Variants in SUCLG2 observed in about 807,000 individuals in gnomAD.
SUCLG2 encodes succinate-CoA ligase GDP-forming subunit beta, also known as succinate--CoA ligase [GDP-forming] subunit beta, mitochondrial.
SUCLG2 carries 42 observed loss-of-function variants against 47.9 expected under a neutral mutation model. That is an observed-to-expected ratio of 0.88 (90% confidence interval 0.69 to 1.14). The LOEUF (loss-of-function observed/expected upper bound fraction) is 1.14, where lower values mean the gene tolerates loss of function less well. Among genes scored for constraint, SUCLG2 ranks in the 50% most tolerant of loss-of-function variants. The pLI is 0.00. For missense variants in SUCLG2, 571 were observed against 525.9 expected, an observed-to-expected ratio of 1.09 and a Z score of -0.84; for synonymous variants, 195 against 197.3, an observed-to-expected ratio of 0.99 and a Z score of 0.10.
chr3:67,385,627 G>A (rs926881453), intron 10 of SUCLG2, among the ~76,000 whole-genome samples: 1 of 152,212 alleles, frequency 6.6e-6, no homozygotes, highest in Non-Finnish European at 1.5e-5. Flanking sequence ...GGGATGGAAG[G>A]TACACTGAAG....
At chr3:67,391,800 C>A (rs1702389545) in intron 10 of SUCLG2, among the ~76,000 whole-genome samples, 1 of 152,144 alleles carries the variant, frequency 6.6e-6, no homozygotes, top group South Asian at 2.1e-4. Context: ...GTCCCCTGGC[C>A]TCTTTGCACT....
chr3:67,525,289 A>C (rs940602030), intron 4 of SUCLG2, among the ~76,000 whole-genome samples: 12 of 152,362 alleles, frequency 7.9e-5, no homozygotes, highest in Admixed American at 2.0e-4. Flanking sequence ...TAGATTGTAC[A>C]TAAAAAGGTA....
chr3:67,440,505 G>T (rs1703733726), intron 9 of SUCLG2, among the ~76,000 whole-genome samples: 1 of 152,030 alleles, frequency 6.6e-6, no homozygotes, highest in African/African-American at 2.4e-5. Context: ...CTAATATCCA[G>T]AATCTACAAA....
intron 7 of SUCLG2, among the ~76,000 whole-genome samples, chr3:67,501,253 A>C (rs1355278980): frequency 1.3e-5 from 2 of 152,192 alleles, no homozygotes; most frequent in African/African-American, 2.4e-5. Context: ...AGGGGATTCA[A>C]ATTGAACTGC....
At chr3:67,392,028 T>C (rs1441913547) in intron 10 of SUCLG2, among the ~76,000 whole-genome samples, 1 of 152,184 alleles carries the variant, frequency 6.6e-6, no homozygotes, top group African/African-American at 2.4e-5. Flanking sequence ...TGTCAGTGCA[T>C]GCCCCTGTCC....
At chr3:67,640,002 CTGTT>C (rs1256779741) in intron 1 of SUCLG2, among the ~76,000 whole-genome samples, 13 of 152,150 alleles carry the variant, frequency 8.5e-5, no homozygotes, top group East Asian at 3.8e-4. Context: ...ACTACCTATA[CTGTT>C]TGTTTAAGTA....
intron 9 of SUCLG2, among the ~76,000 whole-genome samples, chr3:67,441,424 G>A (rs1703761246): frequency 6.6e-6 from 1 of 151,790 alleles, no homozygotes; most frequent in South Asian, 2.1e-4. Context: ...CTTGTCATGT[G>A]TAGCCCTATG....
intron 9 of SUCLG2, among the ~76,000 whole-genome samples, chr3:67,460,747 A>G (rs1704310829): frequency 6.6e-6 from 1 of 152,208 alleles, no homozygotes; most frequent in Non-Finnish European, 1.5e-5. Context: ...TCCTCGCTCT[A>G]TACTTTAATA....
intron 6 of SUCLG2, among the ~76,000 whole-genome samples, chr3:67,513,467 A>T (rs1389180756): frequency 6.6e-6 from 1 of 152,224 alleles, no homozygotes; most frequent in Non-Finnish European, 1.5e-5. Context: ...CTCCAAACCA[A>T]GCTGGTTCTC....
intron 2 of SUCLG2, among the ~76,000 whole-genome samples, chr3:67,565,853 C>T (rs575114286): frequency 1.3e-5 from 2 of 152,348 alleles, no homozygotes; most frequent in African/African-American, 4.8e-5. Context: ...TACACGGCAG[C>T]TGTCACTTAA....
intron 2 of SUCLG2, among the ~76,000 whole-genome samples, chr3:67,573,180 C>G: frequency 6.6e-6 from 1 of 152,108 alleles, no homozygotes; most frequent in East Asian, 1.9e-4. Flanking sequence ...AAATGGAGAG[C>G]TATTCCATGT....
chr3:67,446,308 C>T, intron 9 of SUCLG2, among the ~76,000 whole-genome samples: 1 of 12,274 alleles, frequency 8.1e-5, no homozygotes, highest in East Asian at 3.4e-3. Context: ...TGGATTGTTT[C>T]TACTTTTTGG....
chr3:67,631,809 A>G (rs998040726), intron 1 of SUCLG2, among the ~76,000 whole-genome samples: 1 of 152,052 alleles, frequency 6.6e-6, no homozygotes, highest in Non-Finnish European at 1.5e-5. Context: ...TCATGCATTC[A>G]CCAATGCATT....
chr3:67,629,607 C>T (rs62256422), intron 1 of SUCLG2, among the ~76,000 whole-genome samples: 4,454 of 152,126 alleles, frequency 0.029, 96 homozygotes, highest in South Asian at 0.056. Context: ...AGAAATTGGC[C>T]ATTCGTGACT....
chr3:67,584,818 G>A (rs536258313), intron 2 of SUCLG2, among the ~76,000 whole-genome samples: 11 of 152,112 alleles, frequency 7.2e-5, no homozygotes, highest in Non-Finnish European at 1.5e-4. Flanking sequence ...GGGCAAAGCA[G>A]GAAGAGCCCC....
chr3:67,422,400 G>A (rs55751946), intron 9 of SUCLG2, among the ~76,000 whole-genome samples: 23,793 of 144,516 alleles, frequency 0.16, 2,354 homozygotes, highest in East Asian at 0.41. Flanking sequence ...GCTTGAACCC[G>A]GGAAGTGGAG....
At chr3:67,407,666 C>G (rs1702844737) in intron 9 of SUCLG2, among the ~76,000 whole-genome samples, 1 of 152,178 alleles carries the variant, frequency 6.6e-6, no homozygotes, top group African/African-American at 2.4e-5. Context: ...TAGGTTTTGT[C>G]TGTGCCTATT....
At chr3:67,388,538 T>C (rs567077775) in intron 10 of SUCLG2, among the ~76,000 whole-genome samples, 1 of 152,304 alleles carries the variant, frequency 6.6e-6, no homozygotes, top group African/African-American at 2.4e-5. Context: ...CCATGCCTAA[T>C]AAAGGGAAGA....
chr3:67,499,145 A>G (rs1477354500), intron 7 of SUCLG2, among the ~76,000 whole-genome samples: 1 of 152,078 alleles, frequency 6.6e-6, no homozygotes, highest in Admixed American at 6.6e-5. Flanking sequence ...AATTAAACAC[A>G]GTGAAATGAT....
Sources: allele counts gnomAD v4.1 joint callset (sites outside exome capture counted in the v4.1 genomes callset), GRCh38; gene constraint gnomAD v4.1.1; transcripts MANE v1.5; gene names NCBI Gene and HGNC (gene_info 2026-07-23, HGNC 2026-07-21).